HK1: variants seen among roughly 807,000 people sequenced by gnomAD.
HK1 encodes hexokinase-1.
A neutral mutation model predicts 91.6 loss-of-function variants in HK1; 28 were observed. The observed-to-expected ratio is 0.31, with a 90% CI of 0.23 to 0.42. HK1 has a LOEUF of 0.42. HK1 is among the 10% of genes least tolerant of loss of function. The pLI is 1.00. For synonymous variants in HK1, 430 were observed against 468.1 expected, an observed-to-expected ratio of 0.92 and a Z score of 1.05; for missense variants, 770 against 1,219.8, an observed-to-expected ratio of 0.63 and a Z score of 5.49.
intron 1 of HK1, among the ~76,000 whole-genome samples, chr10:69,329,494 A>C (rs147447536): frequency 0.011 from 1,615 of 152,246 alleles, 36 homozygotes; most frequent in African/African-American, 0.036. Context: ...GTGTATATGT[A>C]GGAATGGAAT....
chr10:69,374,224 T>C (rs945653259), intron 7 of HK1, among the ~76,000 whole-genome samples: 3 of 152,206 alleles, frequency 2.0e-5, no homozygotes, highest in African/African-American at 7.2e-5. Flanking sequence ...TTTCTTTCCT[T>C]GGGCTTCTAC....
upstream of HK1, chr10:69,318,294 G>A (rs965254326): frequency 4.5e-6 from 4 of 891,874 alleles, no homozygotes; most frequent in South Asian, 5.1e-5. Context: ...CGAGGACTGC[G>A]TAGCGTCCCC....
intron 7 of HK1, among the ~76,000 whole-genome samples, chr10:69,374,839 C>T (rs1243929474): frequency 4.6e-5 from 7 of 152,226 alleles, no homozygotes; most frequent in Non-Finnish European, 8.8e-5. Flanking sequence ...TTAGCGCATC[C>T]TATGGGGAAT....
chr10:69,345,200 C>T (rs1848490106), intron 2 of HK1, among the ~76,000 whole-genome samples: 1 of 152,092 alleles, frequency 6.6e-6, no homozygotes, highest in Admixed American at 6.6e-5. Flanking sequence ...TCACTGTGGC[C>T]ACGGGTGGGG....
exon 4 of HK1, chr10:69,295,651 C>A: frequency 6.2e-7 from 1 of 1,609,454 alleles, no homozygotes; most frequent in African/African-American, 1.3e-5. Flanking sequence ...AGCTGAAAAA[C>A]CAAAACTTCA....
In HK1 at chr10:69,392,134, G is replaced by A. The variant is rs748563666; in HGVS notation, c.2045G>A (p.Ser682Asn). The A allele has an allele frequency of 6.2e-7, 1 of 1,614,184 alleles. No individual in the cohort carries two copies. Among genetic ancestry groups the A allele is most frequent in the East Asian group, 2.2e-5 (1 of 44,882 alleles). ...CCCTCGTGTGTTCCAGGGACCGGCA[G>A]CAATGCCTGCTACATGGAGGAGATG... ...CEVGLIVGTG[S>N]NACYMEEMKN... Residue 682 changes from serine to asparagine, a missense_variant, in exon 15 of 18, where the codon AGC becomes AAC. By Grantham distance (46) the Ser-to-Asn change is conservative. This residue lies in a region of HK1 where 152 missense variants were observed against 211.1 expected (regional missense o/e 0.72). Coordinates refer to ENST00000359426, the MANE Select transcript of HK1 (RefSeq NM_000188.3).
chr10:69,295,392 G>A (rs1441048649), intron 3 of HK1, among the ~76,000 whole-genome samples: 1 of 152,168 alleles, frequency 6.6e-6, no homozygotes, highest in Non-Finnish European at 1.5e-5. Context: ...CACAGTGCCT[G>A]GTACATTTGT....
rs1245250352 is a variant in HK1, at chr10:69,369,249, A to G, written c.604A>G (p.Asn202Asp). ...AIKKRGDYDANIVAVVNDTVG... is the reference protein window; with the variant it reads ...AIKKRGDYDADIVAVVNDTVG... ...TATCTGTCCCCAGGACTATGATGCC[A>G]ACATCGTAGCTGTGGTGAATGACAC... Residue 202 changes from asparagine to aspartate, a missense_variant, in exon 6 of 18, where the codon AAC becomes GAC. Around this residue, in one of 7 missense-constraint regions of HK1, gnomAD observed 449 missense variants for 665.1 expected, o/e 0.68. Transcript: ENST00000359426. This position sits in a 1 kb window ranked among gnomAD's most constrained non-coding sequence, Gnocchi z 4.4. The G allele has an allele frequency of 6.2e-7, 1 of 1,613,556 alleles. No homozygotes were observed. The highest frequency in any genetic ancestry group is 8.5e-7 in the Non-Finnish European group (1 of 1,179,414).
upstream of HK1, among the ~76,000 whole-genome samples, chr10:69,316,464 C>T (rs1209918543): frequency 1.3e-5 from 2 of 152,166 alleles, no homozygotes; most frequent in Non-Finnish European, 2.9e-5. Flanking sequence ...TGGGAGGTGG[C>T]AATAGGTCAG....
At chr10:69,343,801 T>C in intron 1 of HK1, 26 bp from the exon 2 acceptor site, 1 of 1,596,966 alleles carries the variant, frequency 6.3e-7, no homozygotes, top group South Asian at 1.1e-5. Flanking sequence ...TCGACCTCAC[T>C]CTCCTTCCTT....
intron 1 of HK1, among the ~76,000 whole-genome samples, chr10:69,335,851 G>A (rs181775400): frequency 1.3e-5 from 2 of 152,336 alleles, no homozygotes; most frequent in Non-Finnish European, 2.9e-5. Flanking sequence ...CCCTGTCATC[G>A]GACCGGGAGG....
upstream of HK1, among the ~76,000 whole-genome samples, chr10:69,311,211 C>T (rs746484322): frequency 1.3e-5 from 2 of 152,118 alleles, no homozygotes; most frequent in African/African-American, 2.4e-5. Context: ...TAATGCTGGT[C>T]GGATGGGACT....
chr10:69,389,449 G>C, intron 14 of HK1, 153 bp downstream of exon 14: 1 of 487,956 alleles, frequency 2.0e-6, no homozygotes, highest in South Asian at 1.6e-5. Context: ...AGGGCTGGAC[G>C]AAGGCAGCAG....
chr10:69,328,682 G>A (rs1285161622), intron 1 of HK1, among the ~76,000 whole-genome samples: 1 of 152,150 alleles, frequency 6.6e-6, no homozygotes, highest in Non-Finnish European at 1.5e-5. Context: ...TCATTGTACA[G>A]TGTACAATTC....
At chr10:69,306,019 C>T (rs1004472068) in intron 5 of HK1, among the ~76,000 whole-genome samples, 7 of 151,912 alleles carry the variant, frequency 4.6e-5, no homozygotes, top group African/African-American at 1.7e-4. Context: ...GATCTGTGAC[C>T]CACACTTTTT....
upstream of HK1, among the ~76,000 whole-genome samples, chr10:69,312,297 C>G (rs1293897841): frequency 1.3e-5 from 2 of 152,186 alleles, no homozygotes; most frequent in African/African-American, 4.8e-5. Context: ...AGGGCAGTGG[C>G]ATGAGCTTGG....
intron 10 of HK1, 102 bp from the exon 11 acceptor site, chr10:69,384,231 T>C: frequency 7.2e-7 from 1 of 1,383,724 alleles, no homozygotes. Context: ...CCTCTATGTT[T>C]GCTATGGGGT....
At chr10:69,348,122 G>A (rs1848660771) in intron 2 of HK1, among the ~76,000 whole-genome samples, 1 of 152,048 alleles carries the variant, frequency 6.6e-6, no homozygotes. Flanking sequence ...GGCTAAATAG[G>A]AATCGATACT....
intron 1 of HK1, among the ~76,000 whole-genome samples, chr10:69,341,571 C>G (rs993990267): frequency 6.6e-6 from 1 of 151,802 alleles, no homozygotes; most frequent in Admixed American, 6.6e-5. Flanking sequence ...CCCAAGTGAT[C>G]CTCTTGCCTC....
Sources: allele counts gnomAD v4.1 joint callset (sites outside exome capture counted in the v4.1 genomes callset), GRCh38; gene constraint gnomAD v4.1.1; regional missense constraint gnomAD v4.1.1; non-coding constraint Gnocchi (gnomAD v3.1); transcripts MANE v1.5; gene names NCBI Gene and HGNC (gene_info 2026-07-23, HGNC 2026-07-21).